The following TBRG1 variants were observed in gnomAD, a reference collection of about 807,000 sequenced individuals.
TBRG1 encodes nuclear interactor of ARF and MDM2.
TBRG1 carries 31 observed loss-of-function variants against 44.0 expected under a neutral mutation model. The ratio of observed to expected loss-of-function variants is 0.70; its 90% CI spans 0.53 to 0.95. The LOEUF is 0.95. TBRG1 is among the 40% of genes least tolerant of loss of function. The pLI, the probability that TBRG1 is intolerant of heterozygous loss-of-function variation, is 0.00. For synonymous variants in TBRG1, 171 were observed against 188.1 expected, an observed-to-expected ratio of 0.91 and a Z score of 0.74; for missense variants, 487 against 496.1, an observed-to-expected ratio of 0.98 and a Z score of 0.18.
In TBRG1 at chr11:124,623,173, G is replaced by C. The variant is rs1942378038; in HGVS notation, c.90G>C (p.Gln30His). The C allele has an allele frequency of 1.3e-6, 2 of 1,551,694 alleles. No individual in the cohort carries two copies. The highest frequency in any genetic ancestry group is 8.7e-7 in the Non-Finnish European group (1 of 1,146,992). ...ARMKKLPKKS[Q>H]NEKYRLKYLR... ...TGAAAAAGCTCCCGAAGAAGAGCCA[G>C]AATGAGAAGTACCGGCTGAAGTACC... Residue 30 changes from glutamine to histidine, a missense_variant, in exon 1 of 9, where the codon CAG becomes CAC. Coordinates refer to ENST00000441174, the MANE Select transcript of TBRG1 (RefSeq NM_032811.3).
At chr11:124,631,750 G>A (rs997756994) in intron 8 of TBRG1, 5 of 436,688 alleles carry the variant, frequency 1.1e-5, no homozygotes, top group South Asian at 2.7e-5. Context: ...AAGTCAGTGG[G>A]GTCAAGTCAA....
At chr11:124,623,830 A>C (rs541375777) in intron 1 of TBRG1, among the ~76,000 whole-genome samples, 1 of 152,140 alleles carries the variant, frequency 6.6e-6, no homozygotes, top group Non-Finnish European at 1.5e-5. Flanking sequence ...GAAGCACTGG[A>C]TTTATTGAGT....
Position 124,623,158 on chromosome 11 carries a change from C to G in TBRG1, c.75C>G (p.Leu25=). ...LQSSKARMKK[L]PKKSQNEKYR... Reference sequence around the variant, plus strand: ...CCAGCAAGGCCAGGATGAAAAAGCTCCCGAAGAAGAGCCAGAATGAGAAGT... The same window carrying G: ...CCAGCAAGGCCAGGATGAAAAAGCTGCCGAAGAAGAGCCAGAATGAGAAGT... The change falls in exon 1 of 9, where the codon CTC becomes CTG. Residue 25 remains leucine (L), a synonymous_variant. Transcript: ENST00000441174. 1.3e-6 allele frequency: 2 copies of G among 1,551,668 alleles called. No homozygotes were observed. Among genetic ancestry groups the G allele is most frequent in the Non-Finnish European group, 1.7e-6 (2 of 1,147,002 alleles).
At position 124,632,807 on chromosome 11, in the gene TBRG1, G is replaced by A. The variant is rs1942643748; in HGVS notation, c.*569G>A. The A allele has an allele frequency of 2.0e-5, 3 of 152,240 alleles. No homozygotes were observed. The highest frequency in any genetic ancestry group is 7.2e-5 in the African/African-American group (3 of 41,388). 9.4% of individuals were successfully genotyped at this position (152,240 alleles called of 1,614,324 possible). A position where few individuals can be genotyped will look rare whatever the true frequency, so the allele number is the denominator to read the frequency against. On this transcript the variant is annotated 3_prime_UTR_variant, in exon 9 of 9. Transcript: ENST00000441174. Reference sequence around the variant, plus strand: ...TCTCATGACCTAATCACCTCCCAAAGGCCCCACCTCCCAATACCATCACAT... The same window carrying A: ...TCTCATGACCTAATCACCTCCCAAAAGCCCCACCTCCCAATACCATCACAT...
chr11:124,624,550 G>A (rs1942413765), intron 1 of TBRG1, among the ~76,000 whole-genome samples: 1 of 152,224 alleles, frequency 6.6e-6, no homozygotes, highest in South Asian at 2.1e-4. Context: ...CATATTTATA[G>A]TATTTAATTT....
intron 5 of TBRG1, among the ~76,000 whole-genome samples, chr11:124,628,057 T>G (rs1942509947): frequency 7.8e-6 from 1 of 127,548 alleles, no homozygotes. Flanking sequence ...TAACGTCAAG[T>G]AGCTGTTTTA....
In TBRG1 at chr11:124,635,543, A is replaced by C. The variant is rs1199057617; in HGVS notation, c.*3305A>C. The stretch of plus-strand genomic sequence containing the variant: ...TTCCTAAATTGGGGGAAACATAGTG[A>C]ATTCCACATAATGTTTTAAATTATT... On this transcript the variant is annotated 3_prime_UTR_variant, in exon 9 of 9. Transcript: ENST00000441174. The C allele has an allele frequency of 6.6e-6, 1 of 152,222 alleles. No homozygotes were observed. The highest frequency in any genetic ancestry group is 1.5e-5 in the Non-Finnish European group (1 of 68,032). 9.4% of individuals were successfully genotyped at this position (152,222 alleles called of 1,614,324 possible).
chr11:124,632,368 CCTGT>C lies in TBRG1; in HGVS notation c.*131_*134del. 1.5e-6 allele frequency: 1 copy of C among 670,110 alleles called. No homozygotes were observed. The highest frequency in any genetic ancestry group is 3.0e-5 in the East Asian group (1 of 33,736). 41.5% of individuals were successfully genotyped at this position (670,110 alleles called of 1,614,324 possible). A position where few individuals can be genotyped will look rare whatever the true frequency, so the allele number is the denominator to read the frequency against. ...ACTAACGTATTTCATCATGGAAGGTCCTGTGGTGATGGTTTTCCCTGGGAAAACC... is the reference window on the plus strand; with the variant it reads ...ACTAACGTATTTCATCATGGAAGGTCGGTGATGGTTTTCCCTGGGAAAACC... On this transcript the variant is annotated 3_prime_UTR_variant, in exon 9 of 9. Coordinates refer to ENST00000441174, the MANE Select transcript of TBRG1 (RefSeq NM_032811.3).
At chr11:124,631,482 C>T (rs1422266789) in intron 8 of TBRG1, 65 bp downstream of exon 8, 1 of 1,494,798 alleles carries the variant, frequency 6.7e-7, no homozygotes, top group South Asian at 1.1e-5. Flanking sequence ...CCCATCTTCA[C>T]ACATAGCCGA....
In TBRG1 at chr11:124,630,423, C is replaced by T. The variant is rs1209846346; in HGVS notation, c.774C>T (p.Ala258=). 3 of 1,613,810 alleles carry T rather than the reference C, an allele frequency of 1.9e-6. No homozygotes were observed. The highest frequency in any genetic ancestry group is 2.2e-5 in the South Asian group (2 of 91,070). Residue 258 remains alanine (A), a synonymous_variant, in exon 6 of 9, where the codon GCC becomes GCT. Coordinates refer to ENST00000441174, the MANE Select transcript of TBRG1 (RefSeq NM_032811.3). ...TTCCTGAAGATGACCCCCAGAATGCCATTGTCAGCTCTTCTGCAGATGCTT... is the reference window on the plus strand; with the variant it reads ...TTCCTGAAGATGACCCCCAGAATGCTATTGTCAGCTCTTCTGCAGATGCTT... The part of the protein sequence containing the change: ...EIVPEDDPQN[A]IVSSSADACH...
chr11:124,626,931 G>C lies in TBRG1; in HGVS notation c.619G>C (p.Asp207His). ...CATCACCGACCGACCTGGCTTTCAT[G>C]ATGAGAGTGCCATCTACCCCGTGGG... Reference protein sequence around the residue: ...EIITDRPGFHDESAIYPVGYC... With the variant: ...EIITDRPGFHHESAIYPVGYC... Residue 207 changes from aspartate (D) to histidine (H), a missense_variant, in exon 5 of 9, where the codon GAT becomes CAT. Asp to His is a moderately conservative substitution (Grantham distance 81). Coordinates refer to ENST00000441174, the MANE Select transcript of TBRG1 (RefSeq NM_032811.3). The C allele has an allele frequency of 6.2e-7, 1 of 1,606,582 alleles. No homozygotes were observed. The highest frequency in any genetic ancestry group is 8.5e-7 in the Non-Finnish European group (1 of 1,176,180).
At position 124,625,908 on chromosome 11, in the gene TBRG1, T is replaced by C. The variant is rs758207183; in HGVS notation, c.454+5T>C. 1 of 1,562,368 alleles carries C rather than the reference T, an allele frequency of 6.4e-7. No individual in the cohort carries two copies. Among genetic ancestry groups the C allele is most frequent in the Non-Finnish European group, 8.6e-7 (1 of 1,157,212 alleles). Reference sequence around the variant, plus strand: ...AAGAGAACAACAAACTGGAAGGTACTTTGGGGAGATGATATCAGTTGCCCC... The same window carrying C: ...AAGAGAACAACAAACTGGAAGGTACCTTGGGGAGATGATATCAGTTGCCCC... On this transcript the variant is annotated splice_donor_5th_base_variant and intron_variant, in intron 3 of 8. Coordinates refer to ENST00000441174, the MANE Select transcript of TBRG1 (RefSeq NM_032811.3).
intron 8 of TBRG1, 154 bp downstream of exon 8, chr11:124,631,571 C>T (rs1591377377): frequency 2.5e-6 from 2 of 790,490 alleles, no homozygotes; most frequent in East Asian, 5.0e-5. Context: ...AGAGGGGGAC[C>T]TGCGGCCTGC....
rs1942637158 is a variant in TBRG1, at chr11:124,632,471, A to G, written c.*233A>G. 1 of 389,876 alleles carries G rather than the reference A, an allele frequency of 2.6e-6. No homozygotes were observed. The highest frequency in any genetic ancestry group is 4.7e-6 in the Non-Finnish European group (1 of 214,808). The allele number at this position is 389,876 out of a possible 1,614,324, so 24.2% of individuals were successfully genotyped here. A position where few individuals can be genotyped will look rare whatever the true frequency, so the allele number is the denominator to read the frequency against. ...ACTTTCATCTTGTAATCGGGATGTA[A>G]TCTTTTTTGCTTAGCTCTGCCTGAG... On this transcript the variant is annotated 3_prime_UTR_variant, in exon 9 of 9. Coordinates refer to ENST00000441174, the MANE Select transcript of TBRG1 (RefSeq NM_032811.3).
chr11:124,625,626 C>T (rs1942450186), intron 2 of TBRG1, 45 bp from the exon 3 acceptor site: 1 of 1,513,996 alleles, frequency 6.6e-7, no homozygotes, highest in South Asian at 1.3e-5. Flanking sequence ...TGAATTGAGA[C>T]AATACGGAAG....
intron 8 of TBRG1, 93 bp from the exon 9 acceptor site, chr11:124,632,000 A>G: frequency 1.9e-6 from 2 of 1,068,072 alleles, no homozygotes; most frequent in Non-Finnish European, 2.8e-6. Flanking sequence ...AAGGGTGTTA[A>G]GGAATTGATT....
At position 124,635,854 on chromosome 11, in the gene TBRG1, A is replaced by G. The variant is rs904619303; in HGVS notation, c.*3616A>G. 9.9e-5 allele frequency: 15 copies of G among 152,264 alleles called. No individual in the cohort carries two copies. Among genetic ancestry groups the G allele is most frequent in the African/African-American group, 2.6e-4 (11 of 41,556 alleles). The allele number at this position is 152,264 out of a possible 1,614,324, so 9.4% of individuals were successfully genotyped here. ...TTATAGGTAACATAATTTTCAGACA[A>G]TGTTAGCTGTTTTTAATCCATCAGT... On this transcript the variant is annotated 3_prime_UTR_variant, in exon 9 of 9. Transcript: ENST00000441174.
chr11:124,626,792 G>A (rs1470129113), intron 4 of TBRG1, 112 bp from the exon 5 acceptor site: 1 of 1,510,366 alleles, frequency 6.6e-7, no homozygotes, highest in Non-Finnish European at 9.0e-7. Context: ...CTGTCTTTGT[G>A]TGATTTGTCA....
rs572623801 is a variant in TBRG1, at chr11:124,629,987, A to T, written c.739-401A>T. 11 of 159,766 alleles carry T rather than the reference A, an allele frequency of 6.9e-5. 1 individual carries two copies. In the East Asian group the frequency reaches 1.9e-3, roughly 28 times the overall value. 9.9% of individuals were successfully genotyped at this position (159,766 alleles called of 1,614,324 possible). On this transcript the variant is annotated intron_variant, in intron 5 of 8. Coordinates refer to ENST00000441174, the MANE Select transcript of TBRG1 (RefSeq NM_032811.3). ...ATTTTAACGTTCAAAATGAAAGTAA[A>T]TACAATGAAATGGCAGTTTGCAGTC...
Sources: gnomAD v4.1 joint callset for allele counts (sites outside exome capture counted in the v4.1 genomes callset) on GRCh38, gnomAD v4.1.1 for gene constraint, MANE v1.5 for transcripts, NCBI Gene and HGNC (gene_info 2026-07-23, HGNC 2026-07-21) for gene names.